Variants in MYO18B observed in about 807,000 individuals in gnomAD.
MYO18B encodes unconventional myosin-XVIIIb.
A neutral mutation model predicts 273.0 loss-of-function variants in MYO18B; 204 were observed. That is an observed-to-expected ratio of 0.75 (90% CI 0.67 to 0.84). MYO18B has a LOEUF of 0.84. Ranked by LOEUF, MYO18B falls within the 40% of genes least tolerant of loss-of-function variation. The probability of loss-of-function intolerance (pLI) is 0.00; values close to 1 mark genes in which losing one functional copy is unlikely to be tolerated. For missense variants in MYO18B, 3,212 were observed against 3,287.6 expected, an observed-to-expected ratio of 0.98 and a Z score of 0.56; for synonymous variants, 1,330 against 1,305.7, an observed-to-expected ratio of 1.02 and a Z score of -0.40.
chr22:25,822,328 A>G (rs2089313492), intron 12 of MYO18B, among the ~76,000 whole-genome samples: 2 of 152,186 alleles, frequency 1.3e-5, no homozygotes, highest in Admixed American at 6.5e-5. Context: ...TTTGACCACC[A>G]TAGACACCAA....
At position 25,845,441 on chromosome 22, in the gene MYO18B, C is replaced by T. The variant is rs535673313; in HGVS notation, c.3369-659C>T. Among the ~76,000 whole-genome samples, 19 of 152,212 alleles carry T rather than the reference C, an allele frequency of 1.2e-4. No individual in the cohort carries two copies. The South Asian group carries it at 1.5e-3, about 12-fold the overall frequency. ...CTGAAGCAGGAGAATCGCTTGAACC[C>T]GGGAGGCGGAGGTTGCAGTAAGCCG... On this transcript the variant is annotated intron_variant, in intron 18 of 43. Transcript: ENST00000335473.
At chr22:25,930,300 G>T (rs36103944) in intron 34 of MYO18B, among the ~76,000 whole-genome samples, 3 of 151,386 alleles carry the variant, frequency 2.0e-5, no homozygotes, top group African/African-American at 7.3e-5. Flanking sequence ...TGTTTCCATC[G>T]TTTTTTTTCT....
chr22:25,755,959 A>G (rs936248408), intron 1 of MYO18B, among the ~76,000 whole-genome samples: 2 of 150,792 alleles, frequency 1.3e-5, no homozygotes, highest in South Asian at 4.2e-4. Flanking sequence ...GTGCAGTGGC[A>G]CGATGTCAGC....
chr22:25,882,616 C>G (rs948586342), intron 25 of MYO18B, among the ~76,000 whole-genome samples: 1 of 152,194 alleles, frequency 6.6e-6, no homozygotes, highest in Non-Finnish European at 1.5e-5. Context: ...AGTGCTTTAT[C>G]CAGGAAGCAC....
At chr22:25,765,091 A>G (rs1292004442) in intron 3 of MYO18B, among the ~76,000 whole-genome samples, 1 of 152,086 alleles carries the variant, frequency 6.6e-6, no homozygotes, top group African/African-American at 2.4e-5. Flanking sequence ...GTGAGCAAGT[A>G]AAGAGGCAGA....
At chr22:25,823,264 C>T (rs2089351723) in intron 12 of MYO18B, among the ~76,000 whole-genome samples, 1 of 152,124 alleles carries the variant, frequency 6.6e-6, no homozygotes, top group Non-Finnish European at 1.5e-5. Flanking sequence ...TATTTTTAAT[C>T]GCTTTGAAAA....
intron 39 of MYO18B, among the ~76,000 whole-genome samples, chr22:25,983,714 A>G (rs1476468872): frequency 2.0e-5 from 3 of 152,258 alleles, no homozygotes; most frequent in Non-Finnish European, 4.4e-5. Flanking sequence ...AAGACAGGAT[A>G]TCTTTCTTTG....
chr22:25,882,453 G>A lies in MYO18B; in HGVS notation c.4314+4405G>A, dbSNP rs555861081. ...TTTATTCCATGGATTCTCATAAAAG[G>A]GGCACTAAGGCATTTAGCAAAGTAT... On this transcript the variant is annotated intron_variant, in intron 25 of 43. Transcript: ENST00000335473. Among the ~76,000 whole-genome samples the A allele has an allele frequency of 6.6e-5, 10 of 152,208 alleles. No homozygotes were observed. The South Asian group carries it at 1.7e-3, about 25-fold the overall frequency.
At chr22:25,798,179 G>A in intron 12 of MYO18B, 82 bp downstream of exon 12, 1 of 1,454,194 alleles carries the variant, frequency 6.9e-7, no homozygotes, top group Non-Finnish European at 9.1e-7. Flanking sequence ...TCTCGGAGCG[G>A]TGGGAACAGG....
chr22:25,839,450 C>T (rs17626577), intron 17 of MYO18B, among the ~76,000 whole-genome samples: 14,581 of 152,166 alleles, frequency 0.096, 773 homozygotes, highest in Middle Eastern at 0.15. Flanking sequence ...GATGTGTCTG[C>T]CCCTTTGCTA....
intron 40 of MYO18B, among the ~76,000 whole-genome samples, chr22:25,997,958 A>AAACAC (rs1569278963): frequency 1.2e-4 from 13 of 105,698 alleles, no homozygotes; most frequent in African/African-American, 5.0e-4. Context: ...CACACACACA[A>AAACAC]ACACACACAC....
intron 1 of MYO18B, among the ~76,000 whole-genome samples, chr22:25,750,999 C>T (rs1223941265): frequency 6.6e-6 from 1 of 152,198 alleles, no homozygotes; most frequent in African/African-American, 2.4e-5. Flanking sequence ...ATCTGGTCCA[C>T]GAATCAGCCC....
In MYO18B at chr22:25,927,562, G is replaced by A. The variant is rs184123965; in HGVS notation, c.5517+6153G>A. On this transcript the variant is annotated intron_variant, in intron 34 of 43. Coordinates refer to ENST00000335473, the MANE Select transcript of MYO18B (RefSeq NM_032608.7). Reference sequence around the variant, plus strand: ...AAACTTCATTAGCAATTTTAATTTCGCCTCGGTCCTGTGGTCCTGTGATCT... The same window carrying A: ...AAACTTCATTAGCAATTTTAATTTCACCTCGGTCCTGTGGTCCTGTGATCT... Among the ~76,000 whole-genome samples the A allele has an allele frequency of 3.6e-3, 550 of 152,190 alleles. 2 individuals carry two copies. Among genetic ancestry groups the A allele is most frequent in the Non-Finnish European group, 5.8e-3 (394 of 68,018 alleles).
chr22:25,947,232 T>G (rs1035439836), intron 35 of MYO18B, among the ~76,000 whole-genome samples: 1 of 152,060 alleles, frequency 6.6e-6, no homozygotes, highest in Non-Finnish European at 1.5e-5. Context: ...AGGTAACCTG[T>G]GCCTCCAAGT....
At chr22:26,016,482 G>A (rs942838797) in intron 42 of MYO18B, among the ~76,000 whole-genome samples, 12 of 152,334 alleles carry the variant, frequency 7.9e-5, no homozygotes, top group African/African-American at 2.9e-4. Context: ...ACTCACTTTA[G>A]ATTGTGTACT....
intron 12 of MYO18B, among the ~76,000 whole-genome samples, chr22:25,808,340 T>C (rs2088578805): frequency 6.6e-6 from 1 of 152,226 alleles, no homozygotes; most frequent in Admixed American, 6.5e-5. Context: ...TTCTCACTTT[T>C]AATTCTCACA....
Position 25,876,095 on chromosome 22 carries a change from C to T in MYO18B, c.4081-94C>T. 4.5e-6 allele frequency: 6 copies of T among 1,321,650 alleles called. No individual in the cohort carries two copies. The South Asian group carries it at 7.1e-5, about 16-fold the overall frequency. The allele number at this position is 1,321,650 out of a possible 1,614,324, so 81.9% of individuals were successfully genotyped here. ...TTCCACCGGGAAATAACCCCACTTC[C>T]TCCAGCCCCTTTGCTACCCTCTGCC... On this transcript the variant is annotated intron_variant, in intron 23 of 43. Coordinates refer to ENST00000335473, the MANE Select transcript of MYO18B (RefSeq NM_032608.7).
intron 1 of MYO18B, among the ~76,000 whole-genome samples, chr22:25,758,599 G>A (rs1197554048): frequency 1.3e-5 from 2 of 152,104 alleles, no homozygotes; most frequent in South Asian, 2.1e-4. Context: ...GCGGCCAGGG[G>A]TAAATGACCA....
At chr22:26,033,474 AAAG>A (rs1298685876), downstream of MYO18B, among the ~76,000 whole-genome samples, 7 of 152,252 alleles carry the variant, frequency 4.6e-5, no homozygotes, top group Admixed American at 3.3e-4. Context: ...CGTTTTTATA[AAAG>A]AAGAAATCAG....
Sources: allele counts gnomAD v4.1 joint callset (sites outside exome capture counted in the v4.1 genomes callset), GRCh38; gene constraint gnomAD v4.1.1; transcripts MANE v1.5; gene names NCBI Gene and HGNC (gene_info 2026-07-23, HGNC 2026-07-21).